The following SV2B variants were observed in gnomAD, a reference collection of about 807,000 sequenced individuals.
SV2B encodes synaptic vesicle glycoprotein 2B.
In SV2B, 41 loss-of-function variants were observed where a neutral mutation model predicts 73.9. That is an observed-to-expected ratio of 0.56 (90% CI 0.43 to 0.72). The LOEUF is 0.72. Among genes scored for constraint, SV2B ranks in the 30% least tolerant of loss-of-function variants. The probability of loss-of-function intolerance (pLI) is 0.00; values close to 1 mark genes in which losing one functional copy is unlikely to be tolerated. For missense variants in SV2B, 764 were observed against 857.8 expected (o/e 0.89, Z 1.37); for synonymous variants, 314 against 314.2 (o/e 1.00, Z 0.01).
Position 91,231,647 on chromosome 15 carries a change from C to T in SV2B, c.451+4933C>T, listed in dbSNP as rs867353258. ...CCAATTTTTCACAACTGCAAATAAG[C>T]ACCTCAACCTGGAACTGTGGGCTAT... is the stretch of plus-strand genomic sequence containing the variant. On this transcript the variant is annotated intron_variant, in intron 2 of 12. Coordinates refer to ENST00000394232, the MANE Select transcript of SV2B (RefSeq NM_001323032.3). This position sits in a 1 kb window ranked among gnomAD's most constrained non-coding sequence, Gnocchi z 4.5. Among the ~76,000 whole-genome samples the T allele has an allele frequency of 6.6e-6, 1 of 152,162 alleles. No individual in the cohort carries two copies. Among genetic ancestry groups the T allele is most frequent in the East Asian group, 1.9e-4 (1 of 5,202 alleles).
intron 1 of SV2B, 71 bp from the exon 2 acceptor site, chr15:91,225,802 T>A (rs1302302425): frequency 5.9e-6 from 1 of 169,672 alleles, no homozygotes; most frequent in Non-Finnish European, 1.2e-5. Flanking sequence ...TATATTGGCT[T>A]AATTCTGAGA....
At chr15:91,196,195 C>T (rs920870684) in intron 1 of SV2B, among the ~76,000 whole-genome samples, 15 of 152,152 alleles carry the variant, frequency 9.9e-5, no homozygotes, top group Non-Finnish European at 1.6e-4. Flanking sequence ...GATGTGTTTG[C>T]GGAACATTTA....
intron 1 of SV2B, among the ~76,000 whole-genome samples, chr15:91,109,595 T>A (rs1225927689): frequency 6.6e-6 from 1 of 152,222 alleles, no homozygotes; most frequent in Non-Finnish European, 1.5e-5. Context: ...GAATATTTCA[T>A]GGGCAGGTTC....
chr15:91,181,291 C>T (rs1385844294), intron 1 of SV2B, among the ~76,000 whole-genome samples: 2 of 147,488 alleles, frequency 1.4e-5, no homozygotes, highest in East Asian at 4.4e-4. Context: ...TATGAGGTGT[C>T]AGTCTGCCCC....
intron 1 of SV2B, among the ~76,000 whole-genome samples, chr15:91,176,787 A>G (rs376482370): frequency 1.3e-5 from 2 of 151,486 alleles, no homozygotes; most frequent in African/African-American, 4.9e-5. Flanking sequence ...GATTCTGGAT[A>G]TTAGCCCTTT....
rs780701301 is a variant in SV2B at position 91,226,343 on chromosome 15, C to T, written c.80C>T (p.Pro27Leu). The T allele has an allele frequency of 1.9e-6, 3 of 1,614,122 alleles. No individual in the cohort carries two copies. Among genetic ancestry groups the T allele is most frequent in the Admixed American group, 1.7e-5 (1 of 60,014 alleles). ...TATTACCGCGGCAATGAGTCCAACC[C>T]AGAAGAAGATGCACAGAGTGATGTC... ...DGYYRGNESN[P>L]EEDAQSDVTE... The change falls in exon 2 of 13, where the codon CCA becomes CTA. Residue 27 changes from proline to leucine, a missense_variant. Pro to Leu is a moderately conservative substitution (Grantham distance 98). Coordinates refer to ENST00000394232, the MANE Select transcript of SV2B (RefSeq NM_001323032.3).
chr15:91,189,714 C>A (rs912728348), intron 1 of SV2B, among the ~76,000 whole-genome samples: 2 of 152,164 alleles, frequency 1.3e-5, no homozygotes, highest in South Asian at 4.1e-4. Flanking sequence ...TCCAGCCGGG[C>A]GCGGTGGCTC....
At position 91,104,813 on chromosome 15, in the gene SV2B, G is replaced by A. The variant is rs572299153; in HGVS notation, c.-392+4450G>A. ...ATGCCCGGCTAATTTTGTATTTTTA[G>A]TAGAGATGGGGTTTCTCCATGTTGG... is the stretch of plus-strand genomic sequence containing the variant. On this transcript the variant is annotated intron_variant, in intron 1 of 12. Coordinates refer to ENST00000394232, the MANE Select transcript of SV2B (RefSeq NM_001323032.3). Among the ~76,000 whole-genome samples, 10 of 152,246 alleles carry A rather than the reference G, an allele frequency of 6.6e-5. No individual in the cohort carries two copies. The East Asian group carries it at 1.9e-3, about 29-fold the overall frequency.
rs999549328 is a variant in SV2B, at chr15:91,241,431, G to A, written c.452-10388G>A. 2.0e-5 allele frequency among the ~76,000 whole-genome samples: 3 copies of A among 152,154 alleles called. No homozygotes were observed. Among genetic ancestry groups the A allele is most frequent in the African/African-American group, 7.2e-5 (3 of 41,438 alleles). ...GGCCTCACTAAATTGATGATGCAGA[G>A]CCTCCAGAGGATCCTTTGTGCTGCC... On this transcript the variant is annotated intron_variant, in intron 2 of 12. Transcript: ENST00000394232. The surrounding 1 kb of genome is among the most constrained non-coding windows in gnomAD (Gnocchi z 4.8).
At chr15:91,249,067 T>TTC (rs1233789652) in intron 2 of SV2B, among the ~76,000 whole-genome samples, 13 of 43,744 alleles carry the variant, frequency 3.0e-4, no homozygotes, top group African/African-American at 1.4e-3. Context: ...CATCTACGTT[T>TTC]TCACACACAC....
At chr15:91,211,749 G>A (rs898398959) in intron 1 of SV2B, among the ~76,000 whole-genome samples, 4 of 147,838 alleles carry the variant, frequency 2.7e-5, no homozygotes, top group African/African-American at 5.0e-5. Context: ...TAATCCACCC[G>A]CCTCAGCCTC....
chr15:91,159,995 G>A (rs2043652981), intron 1 of SV2B, among the ~76,000 whole-genome samples: 1 of 151,954 alleles, frequency 6.6e-6, no homozygotes, highest in Admixed American at 6.6e-5. Flanking sequence ...AAATTACCAA[G>A]GGATAAATTA....
In SV2B at chr15:91,223,569, GC is replaced by G. The variant is rs901779654; in HGVS notation, c.-391-2299del. Among the ~76,000 whole-genome samples the G allele has an allele frequency of 1.3e-5, 2 of 152,094 alleles. No individual in the cohort carries two copies. Among genetic ancestry groups the G allele is most frequent in the African/African-American group, 4.8e-5 (2 of 41,406 alleles). The stretch of plus-strand genomic sequence containing the variant: ...TTCTGGTTCACGACGTTGTTATAGG[GC>G]CCCCAGGATGGAAATAACACACCAG... On this transcript the variant is annotated intron_variant, in intron 1 of 12. Transcript: ENST00000394232. This position sits in a 1 kb window ranked among gnomAD's most constrained non-coding sequence, Gnocchi z 4.6.
chr15:91,210,010 G>A (rs2045796403), intron 1 of SV2B, among the ~76,000 whole-genome samples: 1 of 152,018 alleles, frequency 6.6e-6, no homozygotes, highest in Admixed American at 6.6e-5. Flanking sequence ...GAGATGGAGG[G>A]GGACTAATTA....
intron 1 of SV2B, among the ~76,000 whole-genome samples, chr15:91,199,940 T>C (rs1310639715): frequency 6.6e-6 from 1 of 152,182 alleles, no homozygotes; most frequent in African/African-American, 2.4e-5. Context: ...GCTGAGGGTC[T>C]TCATATGGAC....
In SV2B at chr15:91,136,475, C is replaced by G. The variant is rs1032943260; in HGVS notation, c.-392+36112C>G. Among the ~76,000 whole-genome samples the G allele has an allele frequency of 2.0e-5, 3 of 152,192 alleles. No individual in the cohort carries two copies. The highest frequency in any genetic ancestry group is 2.1e-4 in the South Asian group (1 of 4,814). On this transcript the variant is annotated intron_variant, in intron 1 of 12. Transcript: ENST00000394232. The surrounding 1 kb of genome is among the most constrained non-coding windows in gnomAD (Gnocchi z 5.6). ...TGGAGAACCAGTGGGAAGGCCCATG[C>G]GTCTCGGGTGCTTTGTCCCAGGGAG...
At chr15:91,161,738 C>T (rs113224806) in intron 1 of SV2B, among the ~76,000 whole-genome samples, 6 of 152,176 alleles carry the variant, frequency 3.9e-5, no homozygotes, top group African/African-American at 1.4e-4. Context: ...AGATCAAGAT[C>T]CATGCTTTTT....
chr15:91,141,176 C>T lies in SV2B; in HGVS notation c.-392+40813C>T, dbSNP rs72764736. 0.091 allele frequency among the ~76,000 whole-genome samples: 13,779 copies of T among 152,164 alleles called. 763 individuals are homozygous for T. The highest frequency in any genetic ancestry group is 0.12 in the Non-Finnish European group (8,385 of 67,978). ...CACCCCATTCCCACAGGATTTTCTT[C>T]GGTAGGTCTGCATTGAGGCCTGAGA... is the stretch of plus-strand genomic sequence containing the variant. On this transcript the variant is annotated intron_variant, in intron 1 of 12. Coordinates refer to ENST00000394232, the MANE Select transcript of SV2B (RefSeq NM_001323032.3). The surrounding 1 kb of genome is among the most constrained non-coding windows in gnomAD (Gnocchi z 4.6).
At position 91,136,684 on chromosome 15, in the gene SV2B, A is replaced by G. The variant is rs2141172126; in HGVS notation, c.-392+36321A>G. Among the ~76,000 whole-genome samples the G allele has an allele frequency of 6.6e-6, 1 of 152,298 alleles. No individual in the cohort carries two copies. Among genetic ancestry groups the G allele is most frequent in the South Asian group, 2.1e-4 (1 of 4,828 alleles). Reference sequence around the variant, plus strand: ...AAGGCAGACTGCCTTTTTAGTTGTCAGCAGATCTGTCTCTTGGGAGCGGGA... The same window carrying G: ...AAGGCAGACTGCCTTTTTAGTTGTCGGCAGATCTGTCTCTTGGGAGCGGGA... On this transcript the variant is annotated intron_variant, in intron 1 of 12. Coordinates refer to ENST00000394232, the MANE Select transcript of SV2B (RefSeq NM_001323032.3). The surrounding 1 kb of genome is among the most constrained non-coding windows in gnomAD (Gnocchi z 5.6).
Sources: allele counts gnomAD v4.1 joint callset (sites outside exome capture counted in the v4.1 genomes callset), GRCh38; gene constraint gnomAD v4.1.1; non-coding constraint Gnocchi (gnomAD v3.1); transcripts MANE v1.5; gene names NCBI Gene and HGNC (gene_info 2026-07-23, HGNC 2026-07-21).